Variants in ADARB2 observed in about 807,000 individuals in gnomAD.
ADARB2 encodes the protein adenosine deaminase RNA specific B2 (inactive), also known as inactive double-stranded RNA-specific editase B2.
ADARB2 carries 25 observed loss-of-function variants against 62.2 expected under a neutral mutation model. The ratio of observed to expected loss-of-function variants is 0.40; its 90% CI spans 0.29 to 0.56. The LOEUF (loss-of-function observed/expected upper bound fraction) is 0.56. Ranked by LOEUF, ADARB2 falls within the 20% of genes least tolerant of loss-of-function variation. ADARB2 has a pLI of 0.43. For missense variants in ADARB2, 1,071 were observed against 1,077.4 expected (o/e 0.99, Z 0.08); for synonymous variants, 572 against 500.8 (o/e 1.14, Z -1.90).
At chr10:1,233,913 C>G in intron 5 of ADARB2, 68 bp from the exon 6 acceptor site, 1 of 1,490,314 alleles carries the variant, frequency 6.7e-7, no homozygotes, top group South Asian at 1.3e-5. Context: ...ACCAGGTGAA[C>G]GCTTGAGTCC....
chr10:1,185,139 G>A (rs892275411), intron 8 of ADARB2, 100 bp from the exon 9 acceptor site: 15 of 1,392,700 alleles, frequency 1.1e-5, no homozygotes, highest in Non-Finnish European at 1.4e-5. Flanking sequence ...ATGTGAGTGG[G>A]AATGGTCCTC....
intron 1 of ADARB2, among the ~76,000 whole-genome samples, chr10:1,569,777 G>A (rs908893394): frequency 2.0e-5 from 3 of 151,794 alleles, no homozygotes; most frequent in African/African-American, 7.3e-5. Context: ...TTAAAAAAAT[G>A]TAATACTGCT....
chr10:1,319,094 C>T (rs762344625), intron 3 of ADARB2, among the ~76,000 whole-genome samples: 15 of 152,100 alleles, frequency 9.9e-5, no homozygotes, highest in South Asian at 2.1e-4. Context: ...GTGACAGTGA[C>T]GAAAACAGAG....
chr10:1,373,414 C>G lies in ADARB2; in HGVS notation c.187+5660G>C, dbSNP rs140422325. 5.8e-4 allele frequency among the ~76,000 whole-genome samples: 89 copies of G among 152,224 alleles called. No homozygotes were observed. The East Asian group carries it at 6.0e-3, about 10-fold the overall frequency. On this transcript the variant is annotated intron_variant, in intron 2 of 9. Transcript: ENST00000381312. ...GACTGGAAACTGATTCTTACCAACCCCTGGAGGGCTCCAGCTGGTAAACAG... is the reference window on the plus strand; with the variant it reads ...GACTGGAAACTGATTCTTACCAACCGCTGGAGGGCTCCAGCTGGTAAACAG...
intron 1 of ADARB2, among the ~76,000 whole-genome samples, chr10:1,464,154 C>T (rs1461769673): frequency 3.3e-5 from 5 of 150,988 alleles, no homozygotes; most frequent in South Asian, 2.1e-4. Context: ...CACACACGCG[C>T]GGGGGGCAGT....
chr10:1,721,680 T>C (rs750710262), intron 1 of ADARB2, among the ~76,000 whole-genome samples: 3 of 152,232 alleles, frequency 2.0e-5, no homozygotes, highest in Non-Finnish European at 4.4e-5. Flanking sequence ...CAGAGGGCCT[T>C]GTGTGGCCTC....
At chr10:1,211,265 A>T (rs1837147294) in intron 7 of ADARB2, among the ~76,000 whole-genome samples, 1 of 151,958 alleles carries the variant, frequency 6.6e-6, no homozygotes, top group South Asian at 2.1e-4. Flanking sequence ...ATCATCTATC[A>T]TCTATTAACT....
chr10:1,363,662 G>A lies in ADARB2; in HGVS notation c.443C>T (p.Thr148Met), dbSNP rs746391870. 1.9e-6 allele frequency: 3 copies of A among 1,608,232 alleles called. No homozygotes were observed. Among genetic ancestry groups the A allele is most frequent in the African/African-American group, 2.7e-5 (2 of 74,342 alleles). Reference protein sequence around the residue: ...PGLQYRTVSQTGPVHAPVFAV... With the variant: ...PGLQYRTVSQMGPVHAPVFAV... ...GAAGACCGGGGCATGCACCGGGCCC[G>A]TCTGCGACACTGTCCGGTACTGCAG... The change falls in exon 3 of 10, where the codon ACG becomes ATG. Residue 148 changes from threonine (T) to methionine (M), a missense_variant. By Grantham distance (81) the Thr-to-Met change is moderately conservative. Transcript: ENST00000381312.
chr10:1,359,904 ATGAT>A (rs1271182489), intron 3 of ADARB2, among the ~76,000 whole-genome samples: 2 of 152,242 alleles, frequency 1.3e-5, no homozygotes, highest in Non-Finnish European at 2.9e-5. Flanking sequence ...CGCCACTCAG[ATGAT>A]TCTATGCACC....
chr10:1,306,773 C>T (rs1324648404), intron 3 of ADARB2, among the ~76,000 whole-genome samples: 26 of 149,314 alleles, frequency 1.7e-4, no homozygotes, highest in East Asian at 1.2e-3. Flanking sequence ...TCAGAAATAA[C>T]GCCGCATATC....
intron 1 of ADARB2, among the ~76,000 whole-genome samples, chr10:1,474,996 G>C (rs2813410): frequency 0.18 from 28,095 of 152,148 alleles, 2,710 homozygotes; most frequent in African/African-American, 0.23. Context: ...ATTGCACAGT[G>C]GGTGGGACCC....
In ADARB2 at chr10:1,426,426, G is replaced by A. The variant is rs1001402202; in HGVS notation, c.101-47266C>T. On this transcript the variant is annotated intron_variant, in intron 1 of 9. Coordinates refer to ENST00000381312, the MANE Select transcript of ADARB2 (RefSeq NM_018702.4). The surrounding 1 kb of genome is among the most constrained non-coding windows in gnomAD (Gnocchi z 4.1). ...CCCTTGTCATTGTTGCTGTAAAACCGAAGCCCTCTTCTGCGTGGCGATTTG... is the reference window on the plus strand; with the variant it reads ...CCCTTGTCATTGTTGCTGTAAAACCAAAGCCCTCTTCTGCGTGGCGATTTG... Among the ~76,000 whole-genome samples the A allele has an allele frequency of 6.6e-6, 1 of 151,958 alleles. No homozygotes were observed. The highest frequency in any genetic ancestry group is 1.5e-5 in the Non-Finnish European group (1 of 67,992).
chr10:1,179,408 T>C lies in ADARB2; in HGVS notation c.*3785A>G, dbSNP rs1190704229. 1 of 152,160 alleles carries C rather than the reference T, an allele frequency of 6.6e-6. No homozygotes were observed. Among genetic ancestry groups the C allele is most frequent in the Non-Finnish European group, 1.5e-5 (1 of 68,036 alleles). The allele number at this position is 152,160 out of a possible 1,614,324, so 9.4% of individuals were successfully genotyped here. A position where few individuals can be genotyped will look rare whatever the true frequency, so the allele number is the denominator to read the frequency against. On this transcript the variant is annotated 3_prime_UTR_variant, in exon 10 of 10. Coordinates refer to ENST00000381312, the MANE Select transcript of ADARB2 (RefSeq NM_018702.4). ...AATCACAGGAATGGAAAGGAAACAA[T>C]AGCTATCGACCTGCACATCCTTTCC... is the stretch of plus-strand genomic sequence containing the variant.
At chr10:1,651,644 T>C (rs1479522067) in intron 1 of ADARB2, among the ~76,000 whole-genome samples, 1 of 152,208 alleles carries the variant, frequency 6.6e-6, no homozygotes, top group African/African-American at 2.4e-5. Context: ...CTGTTCATCA[T>C]TTGTAATTAC....
intron 1 of ADARB2, among the ~76,000 whole-genome samples, chr10:1,694,420 A>G (rs531863601): frequency 2.0e-4 from 30 of 152,342 alleles, no homozygotes; most frequent in African/African-American, 6.7e-4. Context: ...TGCCTATTCT[A>G]TAAGCTGGAC....
chr10:1,254,160 G>T (rs1002954311), intron 4 of ADARB2, among the ~76,000 whole-genome samples: 10 of 151,482 alleles, frequency 6.6e-5, no homozygotes, highest in African/African-American at 2.2e-4. Context: ...AGTGGGCTCT[G>T]TGGTTAGGAC....
intron 1 of ADARB2, among the ~76,000 whole-genome samples, chr10:1,501,056 G>A (rs1323167932): frequency 2.6e-5 from 4 of 152,068 alleles, no homozygotes; most frequent in Admixed American, 2.0e-4. Context: ...TGTATTTTTA[G>A]TAGAGACGGG....
chr10:1,367,262 G>A (rs989160295), intron 2 of ADARB2, among the ~76,000 whole-genome samples: 2 of 152,216 alleles, frequency 1.3e-5, no homozygotes, highest in Admixed American at 6.5e-5. Flanking sequence ...TTCTCCTGCC[G>A]AAGGCTCTGG....
At chr10:1,328,792 G>A (rs940822459) in intron 3 of ADARB2, among the ~76,000 whole-genome samples, 1 of 151,988 alleles carries the variant, frequency 6.6e-6, no homozygotes, top group African/African-American at 2.4e-5. Context: ...AGGGATTTGA[G>A]ACCAGGCTGG....
Sources: gnomAD v4.1 joint callset for allele counts (sites outside exome capture counted in the v4.1 genomes callset) on GRCh38, gnomAD v4.1.1 for gene constraint, Gnocchi (gnomAD v3.1) non-coding constraint, MANE v1.5 for transcripts, NCBI Gene and HGNC (gene_info 2026-07-23, HGNC 2026-07-21) for gene names.